The following HMCN1 variants were observed in gnomAD, a reference collection of about 807,000 sequenced individuals.
The protein encoded by HMCN1 is hemicentin 1.
In HMCN1, 321 loss-of-function variants were observed where a neutral mutation model predicts 625.9. The ratio of observed to expected loss-of-function variants is 0.51; its 90% CI spans 0.47 to 0.56. The LOEUF (loss-of-function observed/expected upper bound fraction) is 0.56. HMCN1 is among the 20% of genes least tolerant of loss of function. The pLI, the probability that HMCN1 is intolerant of heterozygous loss-of-function variation, is 0.00. For synonymous variants in HMCN1, 2,425 were observed against 2,417.6 expected (o/e 1.00, Z -0.09); for missense variants, 6,588 against 6,887.3 (o/e 0.96, Z 1.54).
chr1:185,996,304 G>A (rs1652784810), intron 24 of HMCN1, among the ~76,000 whole-genome samples: 1 of 152,108 alleles, frequency 6.6e-6, no homozygotes, highest in Non-Finnish European at 1.5e-5. Context: ...AACTTTCCAG[G>A]AGAAGGACAT....
At chr1:185,810,686 G>A (rs1184165839) in intron 1 of HMCN1, among the ~76,000 whole-genome samples, 1 of 147,396 alleles carries the variant, frequency 6.8e-6, no homozygotes, top group East Asian at 2.0e-4. Flanking sequence ...GTGTGTGTGT[G>A]TGTATCTCAC....
chr1:186,054,841 G>T (rs78085370), intron 44 of HMCN1, among the ~76,000 whole-genome samples: 1 of 151,812 alleles, frequency 6.6e-6, no homozygotes, highest in East Asian at 1.9e-4. Context: ...GGAAAGGGCT[G>T]GTATCTTTCC....
intron 1 of HMCN1, among the ~76,000 whole-genome samples, chr1:185,793,860 T>C (rs1658167819): frequency 6.6e-6 from 1 of 152,210 alleles, no homozygotes; most frequent in African/African-American, 2.4e-5. Flanking sequence ...GAATGCCATA[T>C]GCAGATGAAC....
At position 185,978,000 on chromosome 1, in the gene HMCN1, A is replaced by G; in HGVS notation, c.2566+19A>G. 6.5e-7 allele frequency: 1 copy of G among 1,540,310 alleles called. No homozygotes were observed. The highest frequency in any genetic ancestry group is 1.1e-5 in the South Asian group (1 of 89,448). ...ATTTTAAGTAGGTTGAAGGAAATAT[A>G]TTTTGTACGAATATGTACTTTTATG... On this transcript the variant is annotated intron_variant, in intron 16 of 106. Coordinates refer to ENST00000271588, the MANE Select transcript of HMCN1 (RefSeq NM_031935.3).
chr1:186,178,593 G>A lies in HMCN1; in HGVS notation c.16121G>A (p.Arg5374Gln), dbSNP rs147189545. The A allele has an allele frequency of 7.2e-4, 1,158 of 1,614,016 alleles. 9 individuals carry two copies. The highest frequency in any genetic ancestry group is 6.9e-5 in the Non-Finnish European group (81 of 1,179,990). The change falls in exon 104 of 107, where the codon CGG becomes CAG. Residue 5374 changes from arginine to glutamine, a missense_variant. Transcript: ENST00000271588. Reference sequence around the variant, plus strand: ...CAATACAGTAGCTATAACCTTGCACGGTTCTCCCCTGTGAGAAACAACTAT... The same window carrying A: ...CAATACAGTAGCTATAACCTTGCACAGTTCTCCCCTGTGAGAAACAACTAT... ...GTQYSSYNLA[R>Q]FSPVRNNYQP...
chr1:185,800,710 A>G (rs1658736541), intron 1 of HMCN1, among the ~76,000 whole-genome samples: 1 of 152,132 alleles, frequency 6.6e-6, no homozygotes, highest in East Asian at 1.9e-4. Context: ...TGAATTAACC[A>G]TACCCAATTT....
At chr1:186,097,376 C>T (rs1276638301) in intron 68 of HMCN1, among the ~76,000 whole-genome samples, 1 of 151,994 alleles carries the variant, frequency 6.6e-6, no homozygotes, top group Non-Finnish European at 1.5e-5. Flanking sequence ...TCTGCAGATA[C>T]CGAGGGCCAA....
intron 36 of HMCN1, 128 bp downstream of exon 36, chr1:186,023,281 AC>A (rs1654840427): frequency 1.2e-6 from 1 of 820,918 alleles, no homozygotes. Flanking sequence ...TATAAAAAAA[AC>A]CTAGGGTTTT....
At chr1:186,024,024 A>G (rs1457641231) in intron 36 of HMCN1, among the ~76,000 whole-genome samples, 1 of 152,178 alleles carries the variant, frequency 6.6e-6, no homozygotes, top group Non-Finnish European at 1.5e-5. Context: ...ATTTGAATAA[A>G]CTGGTTAAAA....
At chr1:186,012,163 TG>T (rs1571713497) in intron 30 of HMCN1, among the ~76,000 whole-genome samples, 1 of 151,378 alleles carries the variant, frequency 6.6e-6, no homozygotes, top group East Asian at 1.9e-4. Flanking sequence ...AATAATACAA[TG>T]AAAAAACATA....
At chr1:185,820,448 C>T (rs78813020) in intron 1 of HMCN1, among the ~76,000 whole-genome samples, 4,153 of 151,868 alleles carry the variant, frequency 0.027, 167 homozygotes, top group African/African-American at 0.09. Flanking sequence ...GAGACAGCCC[C>T]GAATAATGTT....
intron 4 of HMCN1, among the ~76,000 whole-genome samples, chr1:185,872,298 A>G (rs943488093): frequency 2.0e-5 from 3 of 152,144 alleles, no homozygotes; most frequent in African/African-American, 4.8e-5. Flanking sequence ...CTGTATGAGT[A>G]TGTGCTAGGA....
chr1:185,859,770 A>G (rs1218666583), intron 2 of HMCN1, among the ~76,000 whole-genome samples: 1 of 151,950 alleles, frequency 6.6e-6, no homozygotes, highest in East Asian at 1.9e-4. Flanking sequence ...GGTTCAAGCA[A>G]TTCTCCTGCC....
chr1:185,894,502 A>T (rs1033415947), intron 4 of HMCN1, among the ~76,000 whole-genome samples: 2 of 152,124 alleles, frequency 1.3e-5, no homozygotes, highest in Non-Finnish European at 2.9e-5. Context: ...TTTTTCTTGG[A>T]TCTGTATCTA....
At chr1:186,114,789 A>T (rs776454701) in intron 73 of HMCN1, 30 bp from the exon 74 acceptor site, 1 of 1,613,736 alleles carries the variant, frequency 6.2e-7, no homozygotes, top group Non-Finnish European at 8.5e-7. Context: ...AGGCTGATTC[A>T]GAAGACTTCA....
intron 1 of HMCN1, among the ~76,000 whole-genome samples, chr1:185,766,537 G>A (rs1406341290): frequency 6.6e-6 from 1 of 152,086 alleles, no homozygotes; most frequent in Non-Finnish European, 1.5e-5. Flanking sequence ...AGCAGAAGAT[G>A]GCCCCAAAAT....
At chr1:186,164,281 C>A (rs1052207196) in intron 97 of HMCN1, among the ~76,000 whole-genome samples, 2 of 146,678 alleles carry the variant, frequency 1.4e-5, no homozygotes, top group South Asian at 2.1e-4. Context: ...GCTCTGTCCC[C>A]CAGGCTGGAG....
intron 11 of HMCN1, among the ~76,000 whole-genome samples, chr1:185,938,945 C>G (rs1002885661): frequency 2.6e-5 from 4 of 152,104 alleles, no homozygotes; most frequent in Non-Finnish European, 5.9e-5. Context: ...AGAATTTAAT[C>G]TAGTTAAGTT....
intron 1 of HMCN1, among the ~76,000 whole-genome samples, chr1:185,774,624 A>G (rs972961699): frequency 6.6e-6 from 1 of 152,160 alleles, no homozygotes; most frequent in Non-Finnish European, 1.5e-5. Flanking sequence ...TCAAATTAGC[A>G]TATATGTGTA....
Sources: allele counts gnomAD v4.1 joint callset (sites outside exome capture counted in the v4.1 genomes callset), GRCh38; gene constraint gnomAD v4.1.1; transcripts MANE v1.5; gene names NCBI Gene and HGNC (gene_info 2026-07-23, HGNC 2026-07-21).